Variants in ERP44 observed in about 807,000 individuals in gnomAD.
ERP44 encodes endoplasmic reticulum resident protein 44.
Under a neutral mutation model 53.4 loss-of-function variants are expected in ERP44, and 25 were observed. The observed-to-expected ratio is 0.47, with a 90% CI of 0.34 to 0.65. The LOEUF is 0.65. Ranked by LOEUF, ERP44 falls within the 30% of genes least tolerant of loss-of-function variation. The probability of loss-of-function intolerance (pLI) is 0.01; values close to 1 mark genes in which losing one functional copy is unlikely to be tolerated. For synonymous variants in ERP44, 145 were observed against 161.2 expected, an observed-to-expected ratio of 0.90 and a Z score of 0.76; for missense variants, 338 against 493.2, an observed-to-expected ratio of 0.69 and a Z score of 2.98.
At chr9:100,066,515 T>C (rs891311070) in intron 1 of ERP44, among the ~76,000 whole-genome samples, 2 of 152,256 alleles carry the variant, frequency 1.3e-5, no homozygotes, top group East Asian at 3.8e-4. Flanking sequence ...GCTAAATCTT[T>C]CATTGACTTG....
intron 1 of ERP44, among the ~76,000 whole-genome samples, chr9:100,068,444 T>G (rs1169572427): frequency 1.1e-5 from 1 of 87,956 alleles, no homozygotes; most frequent in African/African-American, 4.5e-5. Flanking sequence ...AGGTGAGAGG[T>G]GCCTCTGCCC....
At chr9:99,991,121 A>C (rs979365030) in intron 10 of ERP44, among the ~76,000 whole-genome samples, 27 of 152,208 alleles carry the variant, frequency 1.8e-4, no homozygotes, top group African/African-American at 6.5e-4. Flanking sequence ...ATACAAGGTT[A>C]ACATGGATAT....
intron 4 of ERP44, among the ~76,000 whole-genome samples, chr9:100,044,603 C>T (rs1341024406): frequency 1.3e-5 from 2 of 152,050 alleles, no homozygotes; most frequent in South Asian, 4.1e-4. Context: ...TTTAAAAATT[C>T]AATAATTGTG....
intron 11 of ERP44, among the ~76,000 whole-genome samples, chr9:99,983,402 G>A (rs948616872): frequency 2.8e-4 from 43 of 151,478 alleles, no homozygotes; most frequent in African/African-American, 9.0e-4. Flanking sequence ...AAAATTAGCC[G>A]GGCGCGGTGG....
In ERP44 at chr9:100,059,960, G is replaced by A. The variant is rs138203349; in HGVS notation, c.130+140C>T. On this transcript the variant is annotated intron_variant, in intron 2 of 11. Coordinates refer to ENST00000262455, the MANE Select transcript of ERP44 (RefSeq NM_015051.3). ...TAACCAAAAGTGCTTTGATAATTCA[G>A]AAAGTCATGGAATTAATCAGAATGC... 106 of 704,940 alleles carry A rather than the reference G, an allele frequency of 1.5e-4. No homozygotes were observed. The African/African-American group carries it at 1.8e-3, about 12-fold the overall frequency. The allele number at this position is 704,940 out of a possible 1,614,324, so 43.7% of individuals were successfully genotyped here.
At chr9:100,098,341 C>G (rs549537736) in intron 1 of ERP44, among the ~76,000 whole-genome samples, 27 of 152,170 alleles carry the variant, frequency 1.8e-4, no homozygotes, top group Non-Finnish European at 3.2e-4. Context: ...TCTGCCAACC[C>G]GGGCACCGCT....
chr9:100,040,522 A>C (rs974746542), intron 4 of ERP44, among the ~76,000 whole-genome samples: 7 of 152,192 alleles, frequency 4.6e-5, no homozygotes, highest in African/African-American at 1.7e-4. Context: ...ATCTCAACTT[A>C]ATGAAGACAA....
chr9:100,052,396 A>T, intron 4 of ERP44, 21 bp downstream of exon 4: 1 of 1,397,790 alleles, frequency 7.2e-7, no homozygotes, highest in East Asian at 2.3e-5. Context: ...TCTCTTCTAG[A>T]CTTCCTATTG....
At chr9:100,061,527 C>T (rs868376381) in intron 1 of ERP44, among the ~76,000 whole-genome samples, 2 of 129,128 alleles carry the variant, frequency 1.5e-5, no homozygotes, top group South Asian at 2.4e-4. Context: ...TTTATAGAAA[C>T]GTATATATTT....
intron 1 of ERP44, among the ~76,000 whole-genome samples, chr9:100,076,354 T>A (rs993103563): frequency 1.3e-5 from 2 of 152,164 alleles, no homozygotes; most frequent in Non-Finnish European, 2.9e-5. Flanking sequence ...CACCCTGCCT[T>A]CTCTTCCCCA....
intron 6 of ERP44, among the ~76,000 whole-genome samples, chr9:100,019,628 C>G (rs1018356843): frequency 6.7e-6 from 1 of 149,900 alleles, no homozygotes; most frequent in Non-Finnish European, 1.5e-5. Flanking sequence ...GGGTCAAGAA[C>G]AGAACCACAA....
At chr9:100,027,283 T>G (rs1346245390) in intron 4 of ERP44, among the ~76,000 whole-genome samples, 1 of 152,234 alleles carries the variant, frequency 6.6e-6, no homozygotes, top group Non-Finnish European at 1.5e-5. Context: ...GAGAAAAAGA[T>G]TTAAAATATT....
At chr9:99,987,134 G>A (rs1480741943) in intron 10 of ERP44, among the ~76,000 whole-genome samples, 2 of 152,180 alleles carry the variant, frequency 1.3e-5, no homozygotes, top group African/African-American at 4.8e-5. Context: ...ACAGATGAAA[G>A]AATGTGTGCA....
intron 10 of ERP44, among the ~76,000 whole-genome samples, chr9:99,995,142 G>T (rs918317175): frequency 3.3e-5 from 5 of 151,630 alleles, no homozygotes; most frequent in African/African-American, 4.8e-5. Flanking sequence ...AAAAATCCTG[G>T]TTTCCAATTG....
At chr9:100,031,189 T>A (rs1825783563) in intron 4 of ERP44, among the ~76,000 whole-genome samples, 1 of 78,874 alleles carries the variant, frequency 1.3e-5, no homozygotes, top group Non-Finnish European at 2.2e-5. Flanking sequence ...TGCAAGTACC[T>A]GAAAAAAAAA....
intron 3 of ERP44, 82 bp downstream of exon 3, chr9:100,057,738 C>G (rs1321710266): frequency 8.0e-6 from 8 of 1,003,238 alleles, no homozygotes; most frequent in Non-Finnish European, 9.3e-6. Flanking sequence ...TAGAAAAAGC[C>G]TTCCCTTCCC....
intron 1 of ERP44, among the ~76,000 whole-genome samples, chr9:100,095,302 G>A (rs1394511510): frequency 6.6e-6 from 1 of 152,164 alleles, no homozygotes; most frequent in Non-Finnish European, 1.5e-5. Context: ...CTACAGGACA[G>A]AGGATCAGTT....
At chr9:99,986,373 A>G (rs1830195774) in intron 10 of ERP44, among the ~76,000 whole-genome samples, 2 of 152,164 alleles carry the variant, frequency 1.3e-5, no homozygotes, top group African/African-American at 4.8e-5. Flanking sequence ...GTCTGAATTT[A>G]TATCTCTGCT....
intron 10 of ERP44, chr9:99,998,709 G>T: frequency 1.4e-6 from 1 of 727,914 alleles, no homozygotes; most frequent in Non-Finnish European, 2.5e-6. Flanking sequence ...ATTTTCTTCG[G>T]TTTATCTCAT....
Sources: allele counts gnomAD v4.1 joint callset (sites outside exome capture counted in the v4.1 genomes callset), GRCh38; gene constraint gnomAD v4.1.1; transcripts MANE v1.5; gene names NCBI Gene and HGNC (gene_info 2026-07-23, HGNC 2026-07-21).